KAZN: variants seen among roughly 807,000 people sequenced by gnomAD.
KAZN encodes kazrin.
Under a neutral mutation model 87.4 loss-of-function variants are expected in KAZN, and 40 were observed. The ratio of observed to expected loss-of-function variants is 0.46; its 90% CI spans 0.36 to 0.60. KAZN has a LOEUF of 0.60. Ranked by LOEUF, KAZN falls within the 20% of genes least tolerant of loss-of-function variation. KAZN has a pLI of 0.00. For missense variants in KAZN, 898 were observed against 1,073.9 expected (o/e 0.84, Z 2.29); for synonymous variants, 466 against 458.3 (o/e 1.02, Z -0.22).
chr1:14,361,753 C>T (rs1254567799), intron 2 of KAZN, among the ~76,000 whole-genome samples: 1 of 152,240 alleles, frequency 6.6e-6, no homozygotes, highest in African/African-American at 2.4e-5. Flanking sequence ...GAGCCAGGTA[C>T]CTCAGTTGGA....
At position 14,883,405 on chromosome 1, in the gene KAZN, A is replaced by AAGAAAG. The variant is rs1553150701; in HGVS notation, c.227-77277_227-77272dup. Among the ~76,000 whole-genome samples the AAGAAAG allele has an allele frequency of 3.3e-4, 48 of 144,454 alleles. 1 individual carries two copies. Among genetic ancestry groups the AAGAAAG allele is most frequent in the African/African-American group, 1.3e-3 (46 of 36,344 alleles). The allele number at this position is 144,454 out of a possible 152,430, so 94.8% of individuals were successfully genotyped here. A position where few individuals can be genotyped will look rare whatever the true frequency, so the allele number is the denominator to read the frequency against. ...AAAGAAAGAAAGAAAGAAAGAAAGAAAGAAAGAAAGAAAGAAAGAAAAGCG... is the reference window on the plus strand; with the variant it reads ...AAAGAAAGAAAGAAAGAAAGAAAGAAAGAAAGAGAAAGAAAGAAAGAAAGAAAAGCG... On this transcript the variant is annotated intron_variant, in intron 1 of 14. Coordinates refer to ENST00000376030, the MANE Select transcript of KAZN (RefSeq NM_201628.3).
At chr1:14,791,081 G>T (rs758542758) in intron 1 of KAZN, among the ~76,000 whole-genome samples, 2 of 152,066 alleles carry the variant, frequency 1.3e-5, no homozygotes, top group Non-Finnish European at 2.9e-5. Context: ...CCACTTCCTT[G>T]CTTGCTTACA....
chr1:14,762,783 A>G (rs915910482), intron 1 of KAZN, among the ~76,000 whole-genome samples: 1 of 151,926 alleles, frequency 6.6e-6, no homozygotes, highest in African/African-American at 2.4e-5. Context: ...TCTCCACCCC[A>G]CAGGGGCCAT....
At chr1:14,861,586 G>A (rs967176679) in intron 1 of KAZN, among the ~76,000 whole-genome samples, 1 of 152,148 alleles carries the variant, frequency 6.6e-6, no homozygotes, top group Non-Finnish European at 1.5e-5. Context: ...TCATTACTAC[G>A]ACTTCCTTCC....
At chr1:14,249,374 A>T (rs1369009111) in intron 2 of KAZN, among the ~76,000 whole-genome samples, 8 of 152,256 alleles carry the variant, frequency 5.3e-5, no homozygotes. Context: ...ATCAAGACAG[A>T]GATTGAATTA....
chr1:14,743,399 T>C (rs112205237), intron 1 of KAZN, among the ~76,000 whole-genome samples: 10,734 of 149,626 alleles, frequency 0.072, 525 homozygotes, highest in African/African-American at 0.15. Flanking sequence ...CACTGCACTC[T>C]AGCCTGGGGG....
intron 2 of KAZN, among the ~76,000 whole-genome samples, chr1:14,213,194 T>C (rs577871837): frequency 6.6e-6 from 1 of 152,342 alleles, no homozygotes; most frequent in South Asian, 2.1e-4. Context: ...CCAGCACTTG[T>C]ATCCTTTTTC....
At chr1:14,929,856 G>A in intron 1 of KAZN, 2 of 985,448 alleles carry the variant, frequency 2.0e-6, no homozygotes, top group Non-Finnish European at 2.4e-6. Context: ...TGTCTCCCTT[G>A]TGGCGGCTTC....
chr1:14,875,331 CAAAAAAAAAAAA>C, intron 1 of KAZN, among the ~76,000 whole-genome samples: 1 of 86,926 alleles, frequency 1.2e-5, no homozygotes, highest in South Asian at 4.5e-4. Context: ...AACTCTGTCT[CAAAAAAAAAAAA>C]AAAAAAAAAA....
At chr1:14,690,259 G>C (rs998556217) in intron 1 of KAZN, among the ~76,000 whole-genome samples, 1 of 152,108 alleles carries the variant, frequency 6.6e-6, no homozygotes, top group African/African-American at 2.4e-5. Flanking sequence ...AATATACAAG[G>C]CCCTATAAAA....
intron 1 of KAZN, among the ~76,000 whole-genome samples, chr1:14,862,191 A>G (rs1459701289): frequency 2.0e-5 from 3 of 152,194 alleles, no homozygotes; most frequent in Non-Finnish European, 2.9e-5. Flanking sequence ...ACAGATCTCA[A>G]ATCATAATTA....
rs531915034 is a variant in KAZN, at chr1:14,788,100, G to A, written c.227-172584G>A. Among the ~76,000 whole-genome samples the A allele has an allele frequency of 9.8e-5, 15 of 152,294 alleles. No homozygotes were observed. In the East Asian group the frequency reaches 2.7e-3, roughly 27 times the overall value. ...AATTATGAATTTCAAGACAGCAACA[G>A]CAGAGCATTAAAGCACACACAGGGC... On this transcript the variant is annotated intron_variant, in intron 1 of 14. Transcript: ENST00000376030.
chr1:14,918,805 A>G (rs1658187120), intron 1 of KAZN, among the ~76,000 whole-genome samples: 1 of 147,750 alleles, frequency 6.8e-6, no homozygotes, highest in Non-Finnish European at 1.5e-5. Context: ...GTTTGGAAGT[A>G]GATTGTCCCT....
intron 1 of KAZN, chr1:14,929,704 A>G: frequency 1.1e-6 from 1 of 894,090 alleles, no homozygotes; most frequent in Non-Finnish European, 1.3e-6. Flanking sequence ...AGAGACAGGC[A>G]TGGTTATAAG....
At chr1:14,462,252 T>C (rs1475891269) in intron 2 of KAZN, among the ~76,000 whole-genome samples, 2 of 151,860 alleles carry the variant, frequency 1.3e-5, no homozygotes, top group Non-Finnish European at 2.9e-5. Context: ...TCCTGGCCAC[T>C]AGGACAAGGG....
intron 1 of KAZN, among the ~76,000 whole-genome samples, chr1:14,073,705 C>T (rs1446373719): frequency 1.3e-5 from 2 of 152,144 alleles, no homozygotes; most frequent in Non-Finnish European, 1.5e-5. Context: ...CCAGCTTCAT[C>T]CGTGTCCCTG....
In KAZN at chr1:14,096,996, T is replaced by G. The variant is rs538509554; in HGVS notation, c.92-83439T>G. 1.9e-3 allele frequency among the ~76,000 whole-genome samples: 296 copies of G among 152,376 alleles called. 1 individual carries two copies. Among genetic ancestry groups the G allele is most frequent in the African/African-American group, 6.8e-3 (284 of 41,588 alleles). On this transcript the variant is annotated intron_variant, in intron 1 of 16. Transcript: ENST00000636203. ...GTGGTTAAGGTGGAGCCTAGGAATC[T>G]GTGCCTTTACTGAAAGTCCAGGTGA... is the stretch of plus-strand genomic sequence containing the variant.
At chr1:14,165,948 T>C (rs898216820) in intron 1 of KAZN, among the ~76,000 whole-genome samples, 2 of 152,134 alleles carry the variant, frequency 1.3e-5, no homozygotes, top group Non-Finnish European at 2.9e-5. Flanking sequence ...TTCCAGCAGA[T>C]TCTCTCACGG....
At chr1:14,924,131 G>C in intron 1 of KAZN, 1 of 982,570 alleles carries the variant, frequency 1.0e-6, no homozygotes, top group Non-Finnish European at 1.2e-6. Context: ...GGGACTGAGA[G>C]CCGTTCCCAC....
Sources: gnomAD v4.1 joint callset for allele counts (sites outside exome capture counted in the v4.1 genomes callset) on GRCh38, gnomAD v4.1.1 for gene constraint, MANE v1.5 for transcripts, NCBI Gene and HGNC (gene_info 2026-07-23, HGNC 2026-07-21) for gene names.